CSMD1: variants seen among roughly 807,000 people sequenced by gnomAD.
CSMD1 encodes CUB and Sushi multiple domains 1.
In CSMD1, 213 loss-of-function variants were observed where a neutral mutation model predicts 417.5. That is an observed-to-expected ratio of 0.51 (90% CI 0.46 to 0.57). The LOEUF is 0.57. CSMD1 is among the 20% of genes least tolerant of loss of function. The probability of loss-of-function intolerance (pLI) is 0.00; values close to 1 mark genes in which losing one functional copy is unlikely to be tolerated. For synonymous variants in CSMD1, 2,862 were observed against 1,736.8 expected (o/e 1.65, Z -16.11); for missense variants, 6,923 against 4,529.7 (o/e 1.53, Z -15.17).
intron 6 of CSMD1, among the ~76,000 whole-genome samples, chr8:3,728,640 G>A (rs1324060243): frequency 2.6e-5 from 4 of 152,182 alleles, no homozygotes; most frequent in Admixed American, 1.3e-4. Context: ...TCCTGGAGCA[G>A]TCGTGTGGGG....
chr8:3,010,801 T>A (rs1013321884), intron 52 of CSMD1, among the ~76,000 whole-genome samples: 5 of 151,596 alleles, frequency 3.3e-5, no homozygotes, highest in Non-Finnish European at 7.4e-5. Context: ...TGGAGTGTAA[T>A]GGCATGATCT....
At chr8:3,950,991 A>G (rs1340599021) in intron 5 of CSMD1, among the ~76,000 whole-genome samples, 3 of 152,224 alleles carry the variant, frequency 2.0e-5, no homozygotes, top group Admixed American at 6.5e-5. Context: ...CAGTAAAAGC[A>G]TAATTCAACT....
intron 2 of CSMD1, among the ~76,000 whole-genome samples, chr8:4,474,998 G>T (rs891004417): frequency 6.6e-6 from 1 of 152,106 alleles, no homozygotes; most frequent in Non-Finnish European, 1.5e-5. Context: ...ACGTTTTGGG[G>T]GAGTTGAAAG....
intron 10 of CSMD1, among the ~76,000 whole-genome samples, chr8:3,501,374 A>C (rs1796594650): frequency 6.6e-6 from 1 of 152,226 alleles, no homozygotes; most frequent in African/African-American, 2.4e-5. Flanking sequence ...TTCTTCCGTA[A>C]ACTACATTTG....
Position 4,699,551 on chromosome 8 carries a change from T to C in CSMD1, c.86-61993A>G, listed in dbSNP as rs190567702. Among the ~76,000 whole-genome samples, 398 of 152,346 alleles carry C rather than the reference T, an allele frequency of 2.6e-3. 5 individuals carry two copies. Among genetic ancestry groups the C allele is most frequent in the African/African-American group, 9.3e-3 (386 of 41,582 alleles). On this transcript the variant is annotated intron_variant, in intron 1 of 69. Coordinates refer to ENST00000635120, the MANE Select transcript of CSMD1 (RefSeq NM_033225.6). ...TTCTTTTCTGTCTTATTAACTCTTC[T>C]GTGTGGATCCTTTCTTTCTAATTTA...
chr8:3,167,472 A>G (rs1355715907), intron 37 of CSMD1, among the ~76,000 whole-genome samples: 1 of 152,208 alleles, frequency 6.6e-6, no homozygotes, highest in East Asian at 1.9e-4. Context: ...AAAAACACTT[A>G]AACAAGAAAG....
intron 4 of CSMD1, among the ~76,000 whole-genome samples, chr8:4,013,012 T>A (rs973631035): frequency 1.3e-5 from 2 of 152,146 alleles, no homozygotes; most frequent in Non-Finnish European, 2.9e-5. Context: ...CATTTTGCAA[T>A]GATTTTCTAA....
intron 5 of CSMD1, among the ~76,000 whole-genome samples, chr8:3,949,536 T>C (rs1811461435): frequency 6.6e-6 from 1 of 152,120 alleles, no homozygotes. Context: ...CTAGCAACAT[T>C]AAGTGTGTCT....
At chr8:3,684,448 CA>C (rs1345942749) in intron 7 of CSMD1, among the ~76,000 whole-genome samples, 1 of 149,864 alleles carries the variant, frequency 6.7e-6, no homozygotes, top group Non-Finnish European at 1.5e-5. Context: ...TAGTACTTAA[CA>C]ATTTTATTTA....
At chr8:4,636,416 T>G (rs1019109775) in intron 2 of CSMD1, among the ~76,000 whole-genome samples, 2 of 152,202 alleles carry the variant, frequency 1.3e-5, no homozygotes, top group African/African-American at 4.8e-5. Context: ...GTACCATTAT[T>G]GTCTAAACCA....
intron 3 of CSMD1, among the ~76,000 whole-genome samples, chr8:4,179,830 C>A (rs1292660054): frequency 6.6e-6 from 1 of 152,132 alleles, no homozygotes; most frequent in Non-Finnish European, 1.5e-5. Context: ...TGAAAAAATG[C>A]TCATCATCAC....
At chr8:4,762,506 A>T (rs1049506842) in intron 1 of CSMD1, among the ~76,000 whole-genome samples, 1 of 152,172 alleles carries the variant, frequency 6.6e-6, no homozygotes, top group Non-Finnish European at 1.5e-5. Flanking sequence ...TTACATAGGT[A>T]AGCATATATG....
intron 3 of CSMD1, among the ~76,000 whole-genome samples, chr8:4,365,485 C>T (rs1172538579): frequency 6.6e-6 from 1 of 152,126 alleles, no homozygotes; most frequent in Non-Finnish European, 1.5e-5. Flanking sequence ...AGTCTACTGG[C>T]CTTAGGGCAG....
chr8:3,325,851 A>G (rs894504188), intron 23 of CSMD1, among the ~76,000 whole-genome samples: 2 of 152,194 alleles, frequency 1.3e-5, no homozygotes, highest in African/African-American at 4.8e-5. Context: ...AAAACAAAAC[A>G]AAAACCCAAA....
intron 2 of CSMD1, among the ~76,000 whole-genome samples, chr8:4,531,308 G>A (rs1267758699): frequency 6.6e-6 from 1 of 152,084 alleles, no homozygotes; most frequent in Non-Finnish European, 1.5e-5. Flanking sequence ...GATGTGCCGT[G>A]GAATGTATTC....
chr8:3,838,920 GTC>G (rs1300609344), intron 5 of CSMD1, among the ~76,000 whole-genome samples: 4 of 93,780 alleles, frequency 4.3e-5, no homozygotes, highest in South Asian at 2.9e-4. Context: ...GATATGTATA[GTC>G]TCTCTATTTA....
At chr8:3,164,241 C>A (rs1390450486) in intron 37 of CSMD1, among the ~76,000 whole-genome samples, 1 of 152,158 alleles carries the variant, frequency 6.6e-6, no homozygotes, top group East Asian at 1.9e-4. Flanking sequence ...GGCCACAGAA[C>A]CCATTGATTC....
intron 5 of CSMD1, among the ~76,000 whole-genome samples, chr8:3,857,899 C>A (rs1308402999): frequency 1.3e-5 from 2 of 152,214 alleles, no homozygotes; most frequent in African/African-American, 4.8e-5. Context: ...TTGCTTCCGT[C>A]CTTAAAATTG....
chr8:3,827,368 C>G, intron 5 of CSMD1, among the ~76,000 whole-genome samples: 1 of 152,186 alleles, frequency 6.6e-6, no homozygotes, highest in East Asian at 1.9e-4. Flanking sequence ...AAAAGACATT[C>G]TGTTTCAGTA....
Sources: gnomAD v4.1 joint callset for allele counts (sites outside exome capture counted in the v4.1 genomes callset) on GRCh38, gnomAD v4.1.1 for gene constraint, MANE v1.5 for transcripts, NCBI Gene and HGNC (gene_info 2026-07-23, HGNC 2026-07-21) for gene names.